Variants in LUC7L observed in about 807,000 individuals in gnomAD.
LUC7L encodes the protein putative RNA-binding protein Luc7-like 1.
Under a neutral mutation model 51.1 loss-of-function variants are expected in LUC7L, and 29 were observed. That is an observed-to-expected ratio of 0.57 (90% CI 0.42 to 0.77). The LOEUF (loss-of-function observed/expected upper bound fraction) is 0.77, where lower values mean the gene tolerates loss of function less well. LUC7L is among the 30% of genes least tolerant of loss of function. The probability of loss-of-function intolerance (pLI) is 0.00; values close to 1 mark genes in which losing one functional copy is unlikely to be tolerated. For missense variants in LUC7L, 403 were observed against 511.9 expected, an observed-to-expected ratio of 0.79 and a Z score of 2.05; for synonymous variants, 181 against 180.7, an observed-to-expected ratio of 1.00 and a Z score of -0.01.
Position 229,098 on chromosome 16 carries a change from C to T in LUC7L, c.61+181G>A, listed in dbSNP as rs1010082901. Reference sequence around the variant, plus strand: ...AGAGGAGCCCGACCTGGACCCACGGCCGCCTCAGAGACGCACCGGCTTAGA... The same window carrying T: ...AGAGGAGCCCGACCTGGACCCACGGTCGCCTCAGAGACGCACCGGCTTAGA... On this transcript the variant is annotated intron_variant, in intron 1 of 9. Transcript: ENST00000293872. 1.9e-5 allele frequency: 27 copies of T among 1,410,732 alleles called. No individual in the cohort carries two copies. In the African/African-American group the frequency reaches 3.9e-4, roughly 20 times the overall value. The allele number at this position is 1,410,732 out of a possible 1,614,324, so 87.4% of individuals were successfully genotyped here.
chr16:189,535 A>G, intron 9 of LUC7L, 196 bp from the exon 10 acceptor site: 1 of 1,390,368 alleles, frequency 7.2e-7, no homozygotes. Flanking sequence ...ACCTTTGCGA[A>G]GATTTTTAAT....
At chr16:201,242 TAAAAAA>T (rs764945208) in intron 5 of LUC7L, among the ~76,000 whole-genome samples, 3 of 78,520 alleles carry the variant, frequency 3.8e-5, no homozygotes, top group African/African-American at 1.5e-4. Context: ...GCTACATAAC[TAAAAAA>T]AAAAAAAAAA....
intron 7 of LUC7L, among the ~76,000 whole-genome samples, chr16:191,404 T>A (rs550548209): frequency 6.6e-6 from 1 of 152,200 alleles, no homozygotes; most frequent in Non-Finnish European, 1.5e-5. Context: ...TAAGGTCAAG[T>A]GGCCCCATGT....
chr16:190,437 C>T, intron 8 of LUC7L, 104 bp downstream of exon 8: 2 of 1,263,536 alleles, frequency 1.6e-6, no homozygotes, highest in Non-Finnish European at 2.3e-6. Flanking sequence ...ACAAGCCAGC[C>T]CTACCTGCCA....
chr16:215,346 C>A, intron 3 of LUC7L, among the ~76,000 whole-genome samples: 1 of 151,218 alleles, frequency 6.6e-6, no homozygotes. Flanking sequence ...TTGGGCCGGG[C>A]GCGGTGGCTC....
At chr16:196,015 G>C (rs2049138551) in intron 6 of LUC7L, among the ~76,000 whole-genome samples, 1 of 152,142 alleles carries the variant, frequency 6.6e-6, no homozygotes, top group African/African-American at 2.4e-5. Flanking sequence ...CCAAGTTAAT[G>C]CTTCTTAAGG....
chr16:228,920 G>A (rs1273279178), intron 1 of LUC7L: 1 of 1,366,148 alleles, frequency 7.3e-7, no homozygotes. Flanking sequence ...CTGCCACCCG[G>A]CTGCCAGCGA....
intron 2 of LUC7L, among the ~76,000 whole-genome samples, chr16:226,148 T>C (rs1012596418): frequency 6.6e-6 from 1 of 152,196 alleles, no homozygotes; most frequent in Admixed American, 6.5e-5. Flanking sequence ...GGCACAAGGT[T>C]TGGCATTCAT....
At chr16:211,846 C>T (rs1165312144) in intron 3 of LUC7L, among the ~76,000 whole-genome samples, 2 of 152,224 alleles carry the variant, frequency 1.3e-5, no homozygotes, top group East Asian at 3.8e-4. Flanking sequence ...CACACACGGA[C>T]TGCCTGGTGC....
At chr16:200,317 A>G (rs1463024991) in intron 5 of LUC7L, among the ~76,000 whole-genome samples, 2 of 151,412 alleles carry the variant, frequency 1.3e-5, no homozygotes, top group African/African-American at 4.9e-5. Flanking sequence ...CCAGCTACTC[A>G]GGAGGCTGAG....
chr16:217,148 T>C (rs544911150), intron 3 of LUC7L, among the ~76,000 whole-genome samples: 4 of 152,050 alleles, frequency 2.6e-5, no homozygotes, highest in East Asian at 3.9e-4. Context: ...TCCCGAGTAG[T>C]TGGGATTAGA....
rs145150553 is a variant in LUC7L at position 217,930 on chromosome 16, T to A, written c.255+2719A>T. Reference sequence around the variant, plus strand: ...GGCGGGTGCCTGTAATCACAGCTACTTGGGAGGCTGAGGCATGAGAAGAGA... The same window carrying A: ...GGCGGGTGCCTGTAATCACAGCTACATGGGAGGCTGAGGCATGAGAAGAGA... On this transcript the variant is annotated intron_variant, in intron 3 of 9. Coordinates refer to ENST00000293872, the MANE Select transcript of LUC7L (RefSeq NM_201412.3). Among the ~76,000 whole-genome samples the A allele has an allele frequency of 3.0e-3, 457 of 150,154 alleles. 1 individual carries two copies. Among genetic ancestry groups the A allele is most frequent in the African/African-American group, 0.01 (427 of 40,746 alleles).
chr16:200,974 G>A (rs1393855209), intron 5 of LUC7L, among the ~76,000 whole-genome samples: 3 of 151,732 alleles, frequency 2.0e-5, no homozygotes, highest in Non-Finnish European at 4.4e-5. Context: ...CACAAGGTCA[G>A]GAGTCCGAGA....
chr16:198,687 GT>G (rs950618177), intron 6 of LUC7L, among the ~76,000 whole-genome samples: 4 of 151,742 alleles, frequency 2.6e-5, no homozygotes, highest in African/African-American at 9.7e-5. Context: ...AGAACATAAT[GT>G]TTTTTGTTTT....
At chr16:190,886 GA>G (rs1327971036) in intron 7 of LUC7L, 1,461 of 238,916 alleles carry the variant, frequency 6.1e-3, no homozygotes, top group Middle Eastern at 0.012. Context: ...GTCTCAAAAA[GA>G]AAAAAAAAAA....
At chr16:208,638 T>C (rs997516853) in intron 3 of LUC7L, 1 of 990,744 alleles carries the variant, frequency 1.0e-6, no homozygotes, top group Admixed American at 6.1e-5. Flanking sequence ...TTCCCTCATG[T>C]TCTGAGGGTA....
intron 2 of LUC7L, among the ~76,000 whole-genome samples, chr16:226,261 G>A (rs1260097271): frequency 2.0e-5 from 3 of 152,158 alleles, no homozygotes; most frequent in African/African-American, 4.8e-5. Flanking sequence ...TCATCATGAA[G>A]AAAACTTCCT....
chr16:220,899 G>A, intron 2 of LUC7L, 152 bp from the exon 3 acceptor site: 1 of 604,792 alleles, frequency 1.7e-6, no homozygotes. Context: ...AGATATGGCT[G>A]AGAAGCCTCA....
intron 2 of LUC7L, among the ~76,000 whole-genome samples, 166 bp downstream of exon 2, chr16:227,075 CA>C (rs1287793972): frequency 3.3e-5 from 5 of 152,164 alleles, no homozygotes; most frequent in African/African-American, 1.2e-4. Context: ...CACTCCATCG[CA>C]TGCATGCATG....
Sources: gnomAD v4.1 joint callset for allele counts (sites outside exome capture counted in the v4.1 genomes callset) on GRCh38, gnomAD v4.1.1 for gene constraint, MANE v1.5 for transcripts, NCBI Gene and HGNC (gene_info 2026-07-23, HGNC 2026-07-21) for gene names.